Variants in INPP4B observed in about 807,000 individuals in gnomAD.
The protein encoded by INPP4B is inositol polyphosphate 4-phosphatase type II.
Under a neutral mutation model 122.5 loss-of-function variants are expected in INPP4B, and 55 were observed. The ratio of observed to expected loss-of-function variants is 0.45; its 90% CI spans 0.36 to 0.56. The LOEUF is 0.56. INPP4B is among the 20% of genes least tolerant of loss of function. The pLI, the probability that INPP4B is intolerant of heterozygous loss-of-function variation, is 0.00. For missense variants in INPP4B, 1,000 were observed against 1,097.7 expected (o/e 0.91, Z 1.26); for synonymous variants, 403 against 388.7 (o/e 1.04, Z -0.43).
intron 2 of INPP4B, among the ~76,000 whole-genome samples, chr4:142,522,784 G>A (rs1826271552): frequency 1.3e-5 from 2 of 152,180 alleles, no homozygotes; most frequent in South Asian, 4.2e-4. Flanking sequence ...CCCATTACAA[G>A]TGAATTAATC....
intron 25 of INPP4B, among the ~76,000 whole-genome samples, chr4:142,044,602 T>C (rs1272836329): frequency 1.3e-5 from 2 of 151,732 alleles, no homozygotes; most frequent in Admixed American, 1.3e-4. Flanking sequence ...TTCAGAGCAC[T>C]GATAGTGAAA....
chr4:142,470,736 T>C (rs1424452097), intron 2 of INPP4B, among the ~76,000 whole-genome samples: 2 of 152,220 alleles, frequency 1.3e-5, no homozygotes, highest in Non-Finnish European at 2.9e-5. Context: ...ATTAAATAAG[T>C]GTGACATTGG....
rs570272228 is a variant in INPP4B, at chr4:142,601,442, T to C, written c.-191+124397A>G. Among the ~76,000 whole-genome samples the C allele has an allele frequency of 4.6e-5, 7 of 151,764 alleles. No homozygotes were observed. The East Asian group carries it at 1.4e-3, about 29-fold the overall frequency. On this transcript the variant is annotated intron_variant, in intron 2 of 25. Coordinates refer to ENST00000262992, the MANE Select transcript of INPP4B (RefSeq NM_001101669.3). ...AAAACATGGCAATTAAACAACATGC[T>C]CCTGAACAACTATTGGGGCAATAAA...
chr4:142,834,299 T>C (rs766988295), intron 1 of INPP4B, among the ~76,000 whole-genome samples: 4 of 152,206 alleles, frequency 2.6e-5, no homozygotes, highest in Non-Finnish European at 5.9e-5. Flanking sequence ...AGGTGATTAT[T>C]ATTCGTAGGA....
intron 7 of INPP4B, among the ~76,000 whole-genome samples, chr4:142,362,647 T>A (rs1327389196): frequency 1.3e-5 from 2 of 149,902 alleles, no homozygotes; most frequent in African/African-American, 2.5e-5. Context: ...CCTTGGAATA[T>A]TACACAGCCA....
At chr4:142,720,737 T>TATATATAC (rs1764446172) in intron 2 of INPP4B, among the ~76,000 whole-genome samples, 1 of 94,084 alleles carries the variant, frequency 1.1e-5, no homozygotes, top group African/African-American at 4.3e-5. Flanking sequence ...TATACATATA[T>TATATATAC]ATATATATAT....
chr4:142,796,911 TG>T (rs1353326252), intron 1 of INPP4B, among the ~76,000 whole-genome samples: 4 of 104,378 alleles, frequency 3.8e-5, no homozygotes, highest in African/African-American at 1.5e-4. Flanking sequence ...TGTGTGTGTG[TG>T]TGTCTGTGTG....
chr4:142,548,793 T>TA (rs1727302599), intron 2 of INPP4B, among the ~76,000 whole-genome samples: 2 of 150,180 alleles, frequency 1.3e-5, no homozygotes, highest in Non-Finnish European at 3.0e-5. Flanking sequence ...ATATATATAT[T>TA]AATTTAACGT....
chr4:142,262,747 T>C (rs1437611608), intron 10 of INPP4B, among the ~76,000 whole-genome samples: 1 of 152,196 alleles, frequency 6.6e-6, no homozygotes, highest in African/African-American at 2.4e-5. Context: ...AAATATTCTC[T>C]ATAAGTTAAG....
chr4:142,285,628 A>C lies in INPP4B; in HGVS notation c.504-14854T>G, dbSNP rs556842977. Among the ~76,000 whole-genome samples, 4 of 139,242 alleles carry C rather than the reference A, an allele frequency of 2.9e-5. No individual in the cohort carries two copies. The South Asian group carries it at 8.3e-4, about 29-fold the overall frequency. The allele number at this position is 139,242 out of a possible 152,430, so 91.3% of individuals were successfully genotyped here. A position where few individuals can be genotyped will look rare whatever the true frequency, so the allele number is the denominator to read the frequency against. On this transcript the variant is annotated intron_variant, in intron 9 of 25. Transcript: ENST00000262992. ...AGGGAAGAAAGCCAGTTTCTAGGTA[A>C]ATAAAGGGGAATGATTGAGGAGAGG...
intron 25 of INPP4B, among the ~76,000 whole-genome samples, chr4:142,077,206 G>A (rs1264834023): frequency 1.3e-5 from 2 of 151,846 alleles, no homozygotes; most frequent in Non-Finnish European, 2.9e-5. Flanking sequence ...GCCCTGTATT[G>A]CGAGGGTGAT....
chr4:142,238,048 A>T (rs1337979072), intron 11 of INPP4B, 37 bp from the exon 12 acceptor site: 1 of 1,097,530 alleles, frequency 9.1e-7, no homozygotes, highest in Non-Finnish European at 1.3e-6. Flanking sequence ...TTAAATTCTA[A>T]GCAAATGCAT....
intron 18 of INPP4B, among the ~76,000 whole-genome samples, chr4:142,127,867 T>G (rs867100033): frequency 2.0e-5 from 3 of 152,134 alleles, no homozygotes; most frequent in Non-Finnish European, 4.4e-5. Context: ...CAGGTTTTCT[T>G]CTCTGTTAAT....
intron 1 of INPP4B, among the ~76,000 whole-genome samples, chr4:142,731,619 A>T (rs1766091694): frequency 6.6e-6 from 1 of 152,210 alleles, no homozygotes; most frequent in Non-Finnish European, 1.5e-5. Flanking sequence ...AGGCAAGAGG[A>T]AAAGAAACAG....
At chr4:142,105,402 A>T (rs1166553402) in intron 23 of INPP4B, among the ~76,000 whole-genome samples, 1 of 152,192 alleles carries the variant, frequency 6.6e-6, no homozygotes, top group Non-Finnish European at 1.5e-5. Context: ...CTGAAATAAA[A>T]CTATTCCATG....
At chr4:142,657,937 T>C (rs1211010360) in intron 2 of INPP4B, among the ~76,000 whole-genome samples, 3 of 152,112 alleles carry the variant, frequency 2.0e-5, no homozygotes, top group Non-Finnish European at 4.4e-5. Flanking sequence ...CCCTGAAGTG[T>C]CCAAAAAGAG....
chr4:142,288,594 A>T (rs1362573295), intron 9 of INPP4B, among the ~76,000 whole-genome samples: 1 of 152,188 alleles, frequency 6.6e-6, no homozygotes, highest in Non-Finnish European at 1.5e-5. Flanking sequence ...GGAAGAAAAA[A>T]AAAGAAAAGG....
intron 3 of INPP4B, among the ~76,000 whole-genome samples, chr4:142,455,975 A>T (rs1479875308): frequency 6.6e-6 from 1 of 151,606 alleles, no homozygotes; most frequent in East Asian, 1.9e-4. Context: ...CTATTCAAAT[A>T]TTTTGCCCAT....
chr4:142,402,987 G>C lies in INPP4B; in HGVS notation c.323C>G (p.Thr108Ser), dbSNP rs776897515. The change falls in exon 7 of 26, where the codon ACC becomes AGC. Residue 108 changes from threonine (T) to serine (S), a missense_variant. Thr to Ser is a moderately conservative substitution (Grantham distance 58). Transcript: ENST00000262992. Reference sequence around the variant, plus strand: ...ATCATAGACTGTTAGTTTTATTTTGGTCTCCTCATAGATGGGATACTCAGA... The same window carrying C: ...ATCATAGACTGTTAGTTTTATTTTGCTCTCCTCATAGATGGGATACTCAGA... ...FPSEYPIYEETKIKLTVYDVK... is the reference protein window; with the variant it reads ...FPSEYPIYEESKIKLTVYDVK... 6 of 1,608,810 alleles carry C rather than the reference G, an allele frequency of 3.7e-6. No individual in the cohort carries two copies.
Sources: allele counts gnomAD v4.1 joint callset (sites outside exome capture counted in the v4.1 genomes callset), GRCh38; gene constraint gnomAD v4.1.1; transcripts MANE v1.5; gene names NCBI Gene and HGNC (gene_info 2026-07-23, HGNC 2026-07-21).